KIAA1143: variants seen among roughly 807,000 people sequenced by gnomAD.
KIAA1143 encodes the protein uncharacterized protein KIAA1143.
Under a neutral mutation model 17.0 loss-of-function variants are expected in KIAA1143, and 8 were observed. The ratio of observed to expected loss-of-function variants is 0.47; its 90% CI spans 0.28 to 0.85. KIAA1143 has a LOEUF of 0.85. KIAA1143 is among the 40% of genes least tolerant of loss of function. The pLI is 0.12. For missense variants in KIAA1143, 162 were observed against 183.3 expected, an observed-to-expected ratio of 0.88 and a Z score of 0.67; for synonymous variants, 64 against 67.8, an observed-to-expected ratio of 0.94 and a Z score of 0.27.
chr3:44,759,914 A>AAAAAAAAAAAAAAC (rs1705043787), intron 1 of KIAA1143, among the ~76,000 whole-genome samples: 2 of 150,562 alleles, frequency 1.3e-5, no homozygotes, highest in Admixed American at 6.6e-5. Flanking sequence ...AAAAAAAAAA[A>AAAAAAAAAAAAAAC]AGTCCTAGAT....
intron 1 of KIAA1143, among the ~76,000 whole-genome samples, chr3:44,757,786 C>T (rs984976226): frequency 6.6e-6 from 1 of 152,196 alleles, no homozygotes; most frequent in East Asian, 1.9e-4. Flanking sequence ...AAGAACATGG[C>T]ATTTTGGAGA....
At chr3:44,756,066 TAGTA>T (rs749051658) in intron 1 of KIAA1143, among the ~76,000 whole-genome samples, 2 of 152,208 alleles carry the variant, frequency 1.3e-5, no homozygotes, top group Admixed American at 1.3e-4. Context: ...CACAAATAGG[TAGTA>T]AGTATTTTTA....
At chr3:44,761,376 T>C (rs1705114119) in intron 1 of KIAA1143, 119 bp downstream of exon 1, 4 of 701,788 alleles carry the variant, frequency 5.7e-6, no homozygotes, top group Non-Finnish European at 4.9e-6. Context: ...TCCACCGGAA[T>C]TGGGTTCGAG....
intron 1 of KIAA1143, among the ~76,000 whole-genome samples, chr3:44,759,940 T>C (rs1420342756): frequency 7.5e-6 from 1 of 133,860 alleles, no homozygotes; most frequent in Non-Finnish European, 1.6e-5. Context: ...CTTCTTCCAA[T>C]AGAAGGCTGT....
chr3:44,754,239 T>C lies in KIAA1143; in HGVS notation c.238A>G (p.Lys80Glu). 6.2e-7 allele frequency: 1 copy of C among 1,613,546 alleles called. No homozygotes were observed. The highest frequency in any genetic ancestry group is 8.5e-7 in the Non-Finnish European group (1 of 1,179,982). Residue 80 changes from lysine (K) to glutamate (E), a missense_variant, in exon 2 of 3, where the codon AAG becomes GAG. This residue lies in a region of KIAA1143 where 137 missense variants were observed against 132.5 expected (regional missense o/e 1.03). Coordinates refer to ENST00000296121, the MANE Select transcript of KIAA1143 (RefSeq NM_020696.4). ...EEVMKIKAEI[K>E]AAKADEEPTP... is the part of the protein sequence containing the mutation. Reference sequence around the variant, plus strand: ...TTAGACCTACCTGCTTTGGCAGCCTTTATTTCTGCTTTAATTTTCATGACT... The same window carrying C: ...TTAGACCTACCTGCTTTGGCAGCCTCTATTTCTGCTTTAATTTTCATGACT...
chr3:44,755,206 C>A (rs530206957), intron 1 of KIAA1143, among the ~76,000 whole-genome samples: 30 of 152,256 alleles, frequency 2.0e-4, no homozygotes, highest in African/African-American at 7.2e-4. Context: ...ATTTATTTGA[C>A]CAGCATCTTG....
rs1188441111 is a variant in KIAA1143 at position 44,750,271 on chromosome 3, A to C, written c.*3070T>G. The C allele has an allele frequency of 1.3e-5, 2 of 152,260 alleles. No individual in the cohort carries two copies. The allele number at this position is 152,260 out of a possible 1,614,324, so 9.4% of individuals were successfully genotyped here. On this transcript the variant is annotated 3_prime_UTR_variant, in exon 3 of 3. Transcript: ENST00000296121. ...AGGCTTCCTGAAGTTCAAGAGTGACATATTAGGCTTATATTAGGCTTATTT... is the reference window on the plus strand; with the variant it reads ...AGGCTTCCTGAAGTTCAAGAGTGACCTATTAGGCTTATATTAGGCTTATTT...
At chr3:44,761,404 AC>A in intron 1 of KIAA1143, 90 bp downstream of exon 1, 1 of 950,708 alleles carries the variant, frequency 1.1e-6, no homozygotes, top group Non-Finnish European at 1.6e-6. Flanking sequence ...GAAAAGAGGG[AC>A]CCGACAGCAC....
chr3:44,761,446 G>C (rs764515288), intron 1 of KIAA1143, 49 bp downstream of exon 1: 1 of 1,456,828 alleles, frequency 6.9e-7, no homozygotes, highest in Non-Finnish European at 9.5e-7. Context: ...AAAGTTGAAA[G>C]TGGCGGGCTG....
chr3:44,758,689 C>G (rs1318353026), intron 1 of KIAA1143, among the ~76,000 whole-genome samples: 2 of 152,122 alleles, frequency 1.3e-5, no homozygotes, highest in Non-Finnish European at 2.9e-5. Context: ...AGGTTGGAAT[C>G]AACCTCTTCC....
rs1704874027 is a variant in KIAA1143, at chr3:44,750,038, C to G, written c.*3303G>C. ...TCCTGGCTTCAAGCAATTCTCCCAC[C>G]TTGGCTTCCCAAAGTGTTGGGATTA... On this transcript the variant is annotated 3_prime_UTR_variant, in exon 3 of 3. Coordinates refer to ENST00000296121, the MANE Select transcript of KIAA1143 (RefSeq NM_020696.4). The G allele has an allele frequency of 6.6e-6, 1 of 152,180 alleles. No individual in the cohort carries two copies. The highest frequency in any genetic ancestry group is 6.5e-5 in the Admixed American group (1 of 15,278). The allele number at this position is 152,180 out of a possible 1,614,324, so 9.4% of individuals were successfully genotyped here.
intron 1 of KIAA1143, among the ~76,000 whole-genome samples, chr3:44,758,288 T>A (rs1161748879): frequency 6.6e-6 from 1 of 152,046 alleles, no homozygotes; most frequent in Non-Finnish European, 1.5e-5. Flanking sequence ...GACGATGAAG[T>A]TTGCTGCATT....
chr3:44,755,771 T>C (rs1250680093), intron 1 of KIAA1143, among the ~76,000 whole-genome samples: 2 of 152,364 alleles, frequency 1.3e-5, no homozygotes, highest in Non-Finnish European at 2.9e-5. Flanking sequence ...AATGTTTTTC[T>C]GCTGGTTTCC....
At chr3:44,757,698 CAG>C (rs1343007127) in intron 1 of KIAA1143, among the ~76,000 whole-genome samples, 1 of 152,106 alleles carries the variant, frequency 6.6e-6, no homozygotes, top group East Asian at 1.9e-4. Flanking sequence ...AAGAGAAAAA[CAG>C]AAAGAGTAAC....
At chr3:44,754,486 G>T in intron 1 of KIAA1143, 118 bp from the exon 2 acceptor site, 1 of 964,676 alleles carries the variant, frequency 1.0e-6, no homozygotes. Context: ...GTAAATAAGG[G>T]CAATGAATTT....
chr3:44,755,766 T>G (rs1017251079), intron 1 of KIAA1143, among the ~76,000 whole-genome samples: 5 of 152,210 alleles, frequency 3.3e-5, no homozygotes, highest in African/African-American at 1.2e-4. Flanking sequence ...GTACCAATGT[T>G]TTTCTGCTGG....
At chr3:44,761,446 G>T in intron 1 of KIAA1143, 49 bp downstream of exon 1, 1 of 1,456,828 alleles carries the variant, frequency 6.9e-7, no homozygotes, top group Non-Finnish European at 9.5e-7. Context: ...AAAGTTGAAA[G>T]TGGCGGGCTG....
Position 44,759,894 on chromosome 3 carries a change from CAAAAAA to C in KIAA1143, c.108+1595_108+1600del, listed in dbSNP as rs527806223. The stretch of plus-strand genomic sequence containing the variant: ...TGGGCGACAGAGTGAGACCCTATCT[CAAAAAA>C]AAAAAAAAAAAAAAAGTCCTAGATG... On this transcript the variant is annotated intron_variant, in intron 1 of 2. Transcript: ENST00000296121. Among the ~76,000 whole-genome samples, 7 of 51,110 alleles carry C rather than the reference CAAAAAA, an allele frequency of 1.4e-4. No individual in the cohort carries two copies. The South Asian group carries it at 5.8e-3, about 42-fold the overall frequency. 33.5% of individuals were successfully genotyped at this position (51,110 alleles called of 152,430 possible). A position where few individuals can be genotyped will look rare whatever the true frequency, so the allele number is the denominator to read the frequency against.
chr3:44,759,893 T>TAAAAAAAAAAAAA (rs1364432200), intron 1 of KIAA1143, among the ~76,000 whole-genome samples: 2 of 21,100 alleles, frequency 9.5e-5, no homozygotes, highest in South Asian at 2.9e-3. Flanking sequence ...AGACCCTATC[T>TAAAAAAAAAAAAA]CAAAAAAAAA....
Sources: gnomAD v4.1 joint callset for allele counts (sites outside exome capture counted in the v4.1 genomes callset) on GRCh38, gnomAD v4.1.1 for gene constraint, gnomAD v4.1.1 regional missense constraint, MANE v1.5 for transcripts, NCBI Gene and HGNC (gene_info 2026-07-23, HGNC 2026-07-21) for gene names.